Variants in CGAS observed in about 807,000 individuals in gnomAD.
CGAS encodes 2'3'-cGAMP synthase.
A neutral mutation model predicts 34.0 loss-of-function variants in CGAS; 31 were observed. That is an observed-to-expected ratio of 0.91 (90% confidence interval 0.69 to 1.23). The LOEUF is 1.23. CGAS is among the 50% of genes most tolerant of loss of function. CGAS has a pLI of 0.00. For synonymous variants in CGAS, 266 were observed against 260.0 expected, an observed-to-expected ratio of 1.02 and a Z score of -0.22; for missense variants, 597 against 657.6, an observed-to-expected ratio of 0.91 and a Z score of 1.01.
intron 1 of CGAS, among the ~76,000 whole-genome samples, chr6:73,446,882 T>C (rs887467921): frequency 3.3e-5 from 5 of 151,870 alleles, no homozygotes; most frequent in African/African-American, 1.2e-4. Flanking sequence ...ATGGTGGAAC[T>C]TCGTCTCTAT....
In CGAS at chr6:73,452,219, T is replaced by C; in HGVS notation, c.-38A>G. ...CTGTTCCCCGAAAGAAGAATCCGTT[T>C]CAGGAAAAGGCCGCAAGAGGAAGAG... On this transcript the variant is annotated 5_prime_UTR_variant, in exon 1 of 5. Coordinates refer to ENST00000370315, the MANE Select transcript of CGAS (RefSeq NM_138441.3). 6.4e-7 allele frequency: 1 copy of C among 1,563,974 alleles called. No homozygotes were observed. The highest frequency in any genetic ancestry group is 1.2e-5 in the South Asian group (1 of 86,132).
intron 1 of CGAS, among the ~76,000 whole-genome samples, chr6:73,447,191 T>C (rs2150816703): frequency 6.6e-6 from 1 of 152,384 alleles, no homozygotes; most frequent in East Asian, 1.9e-4. Flanking sequence ...TACTTCCTCT[T>C]CAAATTTACC....
intron 3 of CGAS, among the ~76,000 whole-genome samples, chr6:73,439,305 C>A (rs547354400): frequency 2.0e-5 from 3 of 151,254 alleles, no homozygotes; most frequent in African/African-American, 7.3e-5. Flanking sequence ...CATGGTGAAA[C>A]CCCGTCTCTA....
rs201726565 is a variant in CGAS at position 73,451,930 on chromosome 6, G to A, written c.252C>T (p.Ala84=). Residue 84 remains alanine (A), a synonymous_variant, in exon 1 of 5, where the codon GCC becomes GCT. Transcript: ENST00000370315. ...GCTGCGTGTCCTGGGCGCGCTGAGG[G>A]GCCTTTTTGGCGCGGGCCCCAGTTG... ...VRATGARAKK[A]PQRAQDTQPS... The A allele has an allele frequency of 1.4e-5, 21 of 1,502,434 alleles. No homozygotes were observed. The East Asian group carries it at 5.2e-4, about 38-fold the overall frequency. The allele number at this position is 1,502,434 out of a possible 1,614,324, so 93.1% of individuals were successfully genotyped here.
Position 73,424,146 on chromosome 6 carries a change from G to A in CGAS, c.*1081C>T, listed in dbSNP as rs895128058. 2.6e-5 allele frequency: 4 copies of A among 152,126 alleles called. No homozygotes were observed. The highest frequency in any genetic ancestry group is 5.9e-5 in the Non-Finnish European group (4 of 68,044). 9.4% of individuals were successfully genotyped at this position (152,126 alleles called of 1,614,324 possible). On this transcript the variant is annotated 3_prime_UTR_variant, in exon 5 of 5. Transcript: ENST00000370315. ...ATCTTATGTTTTCTTTTAAGATTAT[G>A]TATTTCAGCCAGGCGTGGTGGCTCA...
At chr6:73,426,349 G>GATAAA (rs146402507) in intron 4 of CGAS, among the ~76,000 whole-genome samples, 30,033 of 148,754 alleles carry the variant, frequency 0.2, 3,243 homozygotes, top group Non-Finnish European at 0.23. Context: ...GAAATGAAAT[G>GATAAA]ATAAAATAAA....
chr6:73,445,574 C>T lies in CGAS; in HGVS notation c.831G>A (p.Leu277=), dbSNP rs369905079. ...EGEILSASKM[L]SKFRKIIKEE... ...CCTTAATGATTTTCCTAAACTTTGA[C>T]AGCATCTTAGAAGCTGATAATATTT... The change falls in exon 2 of 5, where the codon CTG becomes CTA. Residue 277 remains leucine (L), a synonymous_variant. Transcript: ENST00000370315. 2.2e-5 allele frequency: 36 copies of T among 1,608,092 alleles called. No individual in the cohort carries two copies. The African/African-American group carries it at 3.2e-4, about 14-fold the overall frequency.
chr6:73,447,587 T>C (rs1770492807), intron 1 of CGAS, among the ~76,000 whole-genome samples: 1 of 151,848 alleles, frequency 6.6e-6, no homozygotes, highest in Non-Finnish European at 1.5e-5. Context: ...CTGGCCAAAG[T>C]TTTCAATTTT....
chr6:73,427,004 C>T (rs886465191), intron 4 of CGAS, among the ~76,000 whole-genome samples: 2 of 151,882 alleles, frequency 1.3e-5, no homozygotes, highest in Admixed American at 6.6e-5. Context: ...GTGCATGCCA[C>T]CTCGCCCGGC....
intron 2 of CGAS, among the ~76,000 whole-genome samples, chr6:73,444,285 GC>G (rs1030157184): frequency 1.4e-5 from 2 of 143,532 alleles, no homozygotes; most frequent in African/African-American, 5.2e-5. Context: ...ACTGCGCCTG[GC>G]CAGATTTTAA....
At chr6:73,449,100 AAAAAAG>A (rs2150018604) in intron 1 of CGAS, among the ~76,000 whole-genome samples, 2 of 152,028 alleles carry the variant, frequency 1.3e-5, no homozygotes, top group South Asian at 2.1e-4. Flanking sequence ...AAAAAAAAAG[AAAAAAG>A]AAAAAGAAAA....
intron 3 of CGAS, among the ~76,000 whole-genome samples, chr6:73,438,751 A>G (rs1463140384): frequency 6.6e-6 from 1 of 150,518 alleles, no homozygotes; most frequent in African/African-American, 2.4e-5. Context: ...CCACCAAAGG[A>G]CTCTTCTTCA....
rs1229597878 is a variant in CGAS, at chr6:73,451,819, G to A, written c.363C>T (p.Cys121=). The A allele has an allele frequency of 1.3e-5, 21 of 1,555,662 alleles. No homozygotes were observed. Among genetic ancestry groups the A allele is most frequent in the Non-Finnish European group, 1.7e-5 (19 of 1,150,956 alleles). The change falls in exon 1 of 5, where the codon TGC becomes TGT. Residue 121 remains cysteine (C), a synonymous_variant. Transcript: ENST00000370315. The part of the protein sequence containing the change: ...REPALSRAGS[C]RQRGARCSTK... Reference sequence around the variant, plus strand: ...TGGAGCAGCGCGCGCCCCTCTGGCGGCAAGAACCAGCCCTGGAAAGAGCCG... The same window carrying A: ...TGGAGCAGCGCGCGCCCCTCTGGCGACAAGAACCAGCCCTGGAAAGAGCCG...
chr6:73,448,620 G>A (rs1675072511), intron 1 of CGAS, among the ~76,000 whole-genome samples: 1 of 151,786 alleles, frequency 6.6e-6, no homozygotes. Context: ...CAGGTAGCTG[G>A]GACTACCTGT....
In CGAS at chr6:73,451,497, C is replaced by T. The variant is rs1013782967; in HGVS notation, c.657+28G>A. 3.3e-6 allele frequency: 5 copies of T among 1,518,690 alleles called. No individual in the cohort carries two copies. In the Admixed American group the frequency reaches 8.2e-5, roughly 25 times the overall value. 94.1% of individuals were successfully genotyped at this position (1,518,690 alleles called of 1,614,324 possible). On this transcript the variant is annotated intron_variant, in intron 1 of 4. Coordinates refer to ENST00000370315, the MANE Select transcript of CGAS (RefSeq NM_138441.3). ...GATTGCGGAAGGCCGAGCAGCGGGG[C>T]TCGGCGGGAGGGCGCCAAGCAGCTC...
At chr6:73,434,214 A>C (rs1402465974) in intron 3 of CGAS, among the ~76,000 whole-genome samples, 3 of 152,220 alleles carry the variant, frequency 2.0e-5, no homozygotes, top group Admixed American at 1.3e-4. Flanking sequence ...GAATTCAACC[A>C]ATCGTGAATT....
At position 73,445,619 on chromosome 6, in the gene CGAS, C is replaced by T; in HGVS notation, c.786G>A (p.Leu262=). Reference sequence around the variant, plus strand: ...ATATTTCACCTTCTAAAAACTGACTCAGAGGATTTTCTTTCGGATTTCTTT... The same window carrying T: ...ATATTTCACCTTCTAAAAACTGACTTAGAGGATTTTCTTTCGGATTTCTTT... ...KFKRNPKENP[L]SQFLEGEILS... is the part of the protein sequence containing the mutation. Residue 262 remains leucine, a synonymous_variant, in exon 2 of 5, where the codon CTG becomes CTA. Transcript: ENST00000370315. The T allele has an allele frequency of 6.2e-7, 1 of 1,612,370 alleles. No individual in the cohort carries two copies. The highest frequency in any genetic ancestry group is 8.5e-7 in the Non-Finnish European group (1 of 1,179,336).
intron 2 of CGAS, among the ~76,000 whole-genome samples, chr6:73,442,839 C>T (rs1029149721): frequency 5.3e-5 from 8 of 151,820 alleles, no homozygotes; most frequent in East Asian, 1.9e-4. Context: ...CCTTGTGATC[C>T]GCCCACCTTG....
rs774687084 is a variant in CGAS, at chr6:73,425,574, C to A, written c.1222G>T (p.Asp408Tyr). The change falls in exon 5 of 5, where the codon GAT becomes TAT. Residue 408 changes from aspartate (D) to tyrosine (Y), a missense_variant. Coordinates refer to ENST00000370315, the MANE Select transcript of CGAS (RefSeq NM_138441.3). ...AGGTATTTCATTAGTTTTAAACAAT[C>A]TTTCCTGTTGAATAAAAAAGGAAAA... is the stretch of plus-strand genomic sequence containing the variant. The part of the protein sequence containing the change: ...ENKEEKCCRK[D>Y]CLKLMKYLLE... 4 of 1,568,026 alleles carry A rather than the reference C, an allele frequency of 2.6e-6. No individual in the cohort carries two copies. Among genetic ancestry groups the A allele is most frequent in the African/African-American group, 1.4e-5 (1 of 72,448 alleles).
Sources: gnomAD v4.1 joint callset for allele counts (sites outside exome capture counted in the v4.1 genomes callset) on GRCh38, gnomAD v4.1.1 for gene constraint, MANE v1.5 for transcripts, NCBI Gene and HGNC (gene_info 2026-07-23, HGNC 2026-07-21) for gene names.